Variants in PFKFB3 observed in about 807,000 individuals in gnomAD.
PFKFB3 encodes the protein 6-phosphofructo-2-kinase/fructose-2,6-biphosphatase 3, also known as 6-phosphofructo-2-kinase/fructose-2,6-bisphosphatase 3.
PFKFB3 carries 33 observed loss-of-function variants against 68.0 expected under a neutral mutation model. The observed-to-expected ratio is 0.49, with a 90% CI of 0.37 to 0.65. The LOEUF (loss-of-function observed/expected upper bound fraction) is 0.65, where lower values mean the gene tolerates loss of function less well. PFKFB3 is among the 30% of genes least tolerant of loss of function. PFKFB3 has a pLI of 0.00. For missense variants in PFKFB3, 586 were observed against 712.2 expected, an observed-to-expected ratio of 0.82 and a Z score of 2.02; for synonymous variants, 315 against 288.2, an observed-to-expected ratio of 1.09 and a Z score of -0.94.
chr10:6,224,289 C>T (rs1367204853), intron 13 of PFKFB3, 76 bp downstream of exon 13: 18 of 1,461,874 alleles, frequency 1.2e-5, no homozygotes, highest in African/African-American at 4.2e-5. Flanking sequence ...CTCAGGAGGC[C>T]CCGGGGCCGC....
chr10:6,221,606 GT>G, intron 9 of PFKFB3, 34 bp from the exon 10 acceptor site: 10 of 1,610,228 alleles, frequency 6.2e-6, no homozygotes, highest in Non-Finnish European at 8.5e-6. Flanking sequence ...CACCCCTGTG[GT>G]TTGTTCCCCT....
the PFKFB3 span, among the ~76,000 whole-genome samples, chr10:6,269,042 A>G: frequency 6.6e-6 from 1 of 151,770 alleles, no homozygotes; most frequent in Admixed American, 6.6e-5. Flanking sequence ...AAAAAAAAAA[A>G]AAAGTTAAAG....
the PFKFB3 span, among the ~76,000 whole-genome samples, chr10:6,286,277 C>G: frequency 6.6e-6 from 1 of 151,338 alleles, no homozygotes; most frequent in African/African-American, 2.4e-5. Flanking sequence ...ACGCCAGGCC[C>G]TTTCACTTTT....
chr10:6,205,923 C>G (rs1174544207), intron 1 of PFKFB3, among the ~76,000 whole-genome samples: 1 of 151,916 alleles, frequency 6.6e-6, no homozygotes, highest in Non-Finnish European at 1.5e-5. Context: ...TCAGCCTGTC[C>G]AGTAGCCGGG....
chr10:6,165,406 T>C (rs1842102824), intron 1 of PFKFB3, among the ~76,000 whole-genome samples: 1 of 152,334 alleles, frequency 6.6e-6, no homozygotes, highest in South Asian at 2.1e-4. Flanking sequence ...GTTTCTTGCG[T>C]CTTCCTTTTC....
the PFKFB3 span, among the ~76,000 whole-genome samples, chr10:6,288,201 T>G: frequency 1.3e-5 from 2 of 151,388 alleles, no homozygotes; most frequent in Admixed American, 6.6e-5. Context: ...TTCTTTTTTT[T>G]TTTTTTTAAT....
exon 1 of PFKFB3, chr10:6,144,998 A>T: frequency 1.5e-6 from 2 of 1,328,600 alleles, no homozygotes; most frequent in East Asian, 6.2e-5. Context: ...CCCCGGCGCG[A>T]TGCCCTTCAG....
At chr10:6,226,940 G>A (rs1249970862) in intron 14 of PFKFB3, among the ~76,000 whole-genome samples, 2 of 152,160 alleles carry the variant, frequency 1.3e-5, no homozygotes. Flanking sequence ...ACAGAAATTA[G>A]CCAGGTGTGG....
At chr10:6,243,696 T>A (rs1195345589) in intron 14 of PFKFB3, among the ~76,000 whole-genome samples, 1 of 152,240 alleles carries the variant, frequency 6.6e-6, no homozygotes. Context: ...TGCCAGGCTT[T>A]AGGAGTGCAA....
At chr10:6,204,246 T>C (rs1018951881) in intron 1 of PFKFB3, among the ~76,000 whole-genome samples, 1 of 152,236 alleles carries the variant, frequency 6.6e-6, no homozygotes, top group African/African-American at 2.4e-5. Context: ...CCTCTCCAGG[T>C]AATGCGCCCC....
chr10:6,199,016 A>C (rs529596101), upstream of PFKFB3, among the ~76,000 whole-genome samples: 1 of 152,338 alleles, frequency 6.6e-6, no homozygotes, highest in African/African-American at 2.4e-5. Context: ...GTTCTCAATC[A>C]TGTGTGAGTT....
chr10:6,298,027 A>G, the PFKFB3 span, among the ~76,000 whole-genome samples: 1 of 152,190 alleles, frequency 6.6e-6, no homozygotes, highest in Non-Finnish European at 1.5e-5. Flanking sequence ...ATAAGTCACT[A>G]TGTTCTATTT....
chr10:6,209,241 T>C (rs994091165), intron 1 of PFKFB3, among the ~76,000 whole-genome samples: 12 of 152,206 alleles, frequency 7.9e-5, no homozygotes, highest in African/African-American at 2.9e-4. Context: ...TTCGGGTGTT[T>C]AGTCTGTTAC....
chr10:6,252,603 A>G (rs1239146346), intron 14 of PFKFB3, among the ~76,000 whole-genome samples: 1 of 152,274 alleles, frequency 6.6e-6, no homozygotes, highest in Non-Finnish European at 1.5e-5. Context: ...TTATGAAAAT[A>G]TCTGATATAG....
chr10:6,147,188 G>A (rs137972800), intron 1 of PFKFB3, among the ~76,000 whole-genome samples: 17 of 152,354 alleles, frequency 1.1e-4, no homozygotes, highest in African/African-American at 3.1e-4. Flanking sequence ...AGCACGGCAC[G>A]TCAACCCTGC....
chr10:6,293,232 T>G, the PFKFB3 span: 2 of 466,720 alleles, frequency 4.3e-6, no homozygotes, highest in Admixed American at 4.6e-5. Flanking sequence ...ATGTCTGCAA[T>G]TTGAGAGTCC....
At chr10:6,303,968 T>G in the PFKFB3 span, among the ~76,000 whole-genome samples, 1 of 151,828 alleles carries the variant, frequency 6.6e-6, no homozygotes, top group Non-Finnish European at 1.5e-5. Context: ...TGGACCCAAA[T>G]GAAAATGAGA....
chr10:6,213,222 A>G (rs567850018), intron 1 of PFKFB3, among the ~76,000 whole-genome samples: 2 of 152,170 alleles, frequency 1.3e-5, no homozygotes, highest in East Asian at 3.9e-4. Flanking sequence ...GGGCTTCAGG[A>G]TGGGGAGATG....
At chr10:6,224,492 T>C in intron 13 of PFKFB3, 1 of 574,826 alleles carries the variant, frequency 1.7e-6, no homozygotes, top group Non-Finnish European at 3.2e-6. Context: ...TCTCTTTTTT[T>C]TTATTTGAGA....
Sources: gnomAD v4.1 joint callset for allele counts (sites outside exome capture counted in the v4.1 genomes callset) on GRCh38, gnomAD v4.1.1 for gene constraint, MANE v1.5 for transcripts, NCBI Gene and HGNC (gene_info 2026-07-23, HGNC 2026-07-21) for gene names.